ATXN2: variants seen among roughly 807,000 people sequenced by gnomAD.
The protein encoded by ATXN2 is ataxin 2, also known as ataxin-2.
In ATXN2, 37 loss-of-function variants were observed where a neutral mutation model predicts 138.6. That is an observed-to-expected ratio of 0.27 (90% CI 0.21 to 0.35). The LOEUF is 0.35. Ranked by LOEUF, ATXN2 falls within the 10% of genes least tolerant of loss-of-function variation. ATXN2 has a pLI of 1.00. For missense variants in ATXN2, 1,216 were observed against 1,480.3 expected (o/e 0.82, Z 2.93); for synonymous variants, 549 against 543.7 (o/e 1.01, Z -0.13).
intron 1 of ATXN2, among the ~76,000 whole-genome samples, chr12:111,586,467 C>A (rs1317966666): frequency 6.7e-6 from 1 of 150,202 alleles, no homozygotes; most frequent in Non-Finnish European, 1.5e-5. Context: ...CTCACTGCAA[C>A]CTCTGCCTCC....
At chr12:111,553,006 A>T in intron 3 of ATXN2, 29 bp from the exon 4 acceptor site, 1 of 1,441,918 alleles carries the variant, frequency 6.9e-7, no homozygotes, top group East Asian at 2.4e-5. Flanking sequence ...TTTATCAAAG[A>T]AACAGTATAC....
intron 22 of ATXN2, among the ~76,000 whole-genome samples, chr12:111,456,530 T>C (rs932228267): frequency 5.9e-5 from 9 of 152,228 alleles, no homozygotes; most frequent in Non-Finnish European, 1.2e-4. Flanking sequence ...AGGGAACTGA[T>C]AGATATCAAA....
At chr12:111,566,572 C>T (rs1883021068) in intron 1 of ATXN2, among the ~76,000 whole-genome samples, 1 of 151,638 alleles carries the variant, frequency 6.6e-6, no homozygotes, top group African/African-American at 2.4e-5. Flanking sequence ...CTGAGAATGC[C>T]ATCCATGAGC....
At chr12:111,581,349 C>A (rs907865464) in intron 1 of ATXN2, 20 of 579,066 alleles carry the variant, frequency 3.5e-5, no homozygotes, top group African/African-American at 5.6e-5. Context: ...ACCCCAGCAA[C>A]CCGACCACAG....
intron 21 of ATXN2, 51 bp downstream of exon 21, chr12:111,464,611 A>C: frequency 6.9e-7 from 1 of 1,452,724 alleles, no homozygotes; most frequent in Non-Finnish European, 9.6e-7. Flanking sequence ...TGTATCCTTT[A>C]AAAAGTGTTT....
At chr12:111,462,977 T>TATAC (rs536560720) in intron 21 of ATXN2, among the ~76,000 whole-genome samples, 88 of 147,856 alleles carry the variant, frequency 6.0e-4, no homozygotes, top group South Asian at 3.4e-3. Context: ...TATATATATA[T>TATAC]ACACACACAC....
In ATXN2 at chr12:111,520,970, T is replaced by C; in HGVS notation, c.700A>G (p.Asn234Asp). 1 of 1,565,436 alleles carries C rather than the reference T, an allele frequency of 6.4e-7. No homozygotes were observed. Among genetic ancestry groups the C allele is most frequent in the South Asian group, 1.2e-5 (1 of 86,830 alleles). Residue 234 changes from asparagine to aspartate, a missense_variant, in exon 7 of 25, where the codon AAT becomes GAT. By Grantham distance (23) the Asn-to-Asp change is conservative (BLOSUM62 1). Coordinates refer to ENST00000673436, the MANE Select transcript of ATXN2 (RefSeq NM_001372574.1). ...ELEALENDVS[N>D]GWDPNDMFRY... ...AACATATCATTGGGATCCCATCCATTAGACTAGAAGAAAATGAAGCTTGTT... is the reference window on the plus strand; with the variant it reads ...AACATATCATTGGGATCCCATCCATCAGACTAGAAGAAAATGAAGCTTGTT...
At chr12:111,525,656 C>T (rs1592862447) in intron 5 of ATXN2, among the ~76,000 whole-genome samples, 1 of 150,262 alleles carries the variant, frequency 6.7e-6, no homozygotes, top group Non-Finnish European at 1.5e-5. Context: ...AAGGTATTTT[C>T]TTTTCATATA....
intron 17 of ATXN2, 105 bp downstream of exon 17, chr12:111,485,602 AATGCAT>A: frequency 7.6e-7 from 1 of 1,318,544 alleles, no homozygotes; most frequent in Non-Finnish European, 1.1e-6. Context: ...GTCTGTTTCA[AATGCAT>A]ATGCATAACC....
rs774164745 is a variant in ATXN2, at chr12:111,567,805, C to CA, written c.252-11887dup. Among the ~76,000 whole-genome samples the CA allele has an allele frequency of 6.6e-5, 10 of 151,970 alleles. No individual in the cohort carries two copies. In the East Asian group the frequency reaches 9.7e-4, roughly 15 times the overall value. On this transcript the variant is annotated intron_variant, in intron 1 of 24. Transcript: ENST00000673436. ...CTCCAGCCTGGGCAACAGACTGTCT[C>CA]AAAAAAATAAAATAAATGTACATTT...
chr12:111,547,049 C>T (rs1244656103), intron 5 of ATXN2, among the ~76,000 whole-genome samples: 70 of 152,192 alleles, frequency 4.6e-4, no homozygotes, highest in Non-Finnish European at 2.4e-4. Flanking sequence ...TGCATATATG[C>T]ATGAATATAA....
intron 5 of ATXN2, among the ~76,000 whole-genome samples, chr12:111,539,034 G>T (rs890623424): frequency 8.0e-5 from 12 of 150,322 alleles, no homozygotes; most frequent in African/African-American, 2.9e-4. Context: ...AAGATCAAAA[G>T]AAGTTTTAGA....
At chr12:111,506,646 C>T (rs1396922044) in intron 14 of ATXN2, among the ~76,000 whole-genome samples, 2 of 147,528 alleles carry the variant, frequency 1.4e-5, no homozygotes, top group African/African-American at 5.0e-5. Flanking sequence ...CCCTCCCCCT[C>T]CCCCTCCTTC....
At chr12:111,582,220 G>C (rs750042656) in intron 1 of ATXN2, among the ~76,000 whole-genome samples, 1 of 152,108 alleles carries the variant, frequency 6.6e-6, no homozygotes, top group Non-Finnish European at 1.5e-5. Context: ...AAGGCGGGCA[G>C]ATCACTTGAG....
At chr12:111,456,353 G>C (rs1875096740) in intron 22 of ATXN2, 97 bp from the exon 23 acceptor site, 1 of 1,299,210 alleles carries the variant, frequency 7.7e-7, no homozygotes, top group Non-Finnish European at 1.1e-6. Flanking sequence ...TTGGGCCTAT[G>C]ATGAGGGTCA....
intron 18 of ATXN2, 44 bp from the exon 19 acceptor site, chr12:111,470,786 A>T: frequency 6.3e-7 from 1 of 1,592,706 alleles, no homozygotes; most frequent in African/African-American, 1.3e-5. Flanking sequence ...GTATCTCCAC[A>T]GCATAATACA....
chr12:111,553,604 A>AAAAATTTTTTTTTT (rs1882237738), intron 3 of ATXN2, among the ~76,000 whole-genome samples: 24 of 84,998 alleles, frequency 2.8e-4, no homozygotes, highest in Non-Finnish European at 3.2e-4. Flanking sequence ...AAAAAAAAAA[A>AAAAATTTTTTTTTT]TTTTTTTTTT....
At chr12:111,479,414 AAAG>A (rs1266943440) in intron 18 of ATXN2, among the ~76,000 whole-genome samples, 1 of 149,348 alleles carries the variant, frequency 6.7e-6, no homozygotes. Context: ...AAAAAAAAAA[AAAG>A]AGAGAGAGAC....
At chr12:111,465,437 G>A (rs1389551622) in intron 20 of ATXN2, among the ~76,000 whole-genome samples, 2 of 151,994 alleles carry the variant, frequency 1.3e-5, no homozygotes, top group African/African-American at 4.8e-5. Flanking sequence ...GTTTCTGAAA[G>A]GTAAAAGCAT....
Sources: allele counts gnomAD v4.1 joint callset (sites outside exome capture counted in the v4.1 genomes callset), GRCh38; gene constraint gnomAD v4.1.1; transcripts MANE v1.5; gene names NCBI Gene and HGNC (gene_info 2026-07-23, HGNC 2026-07-21).